TRHDE: variants seen among roughly 807,000 people sequenced by gnomAD.
TRHDE encodes the protein thyrotropin releasing hormone degrading enzyme.
A neutral mutation model predicts 125.7 loss-of-function variants in TRHDE; 72 were observed. The observed-to-expected ratio is 0.57, with a 90% CI of 0.47 to 0.70. The LOEUF (loss-of-function observed/expected upper bound fraction) is 0.70. Among genes scored for constraint, TRHDE ranks in the 30% least tolerant of loss-of-function variants. The pLI is 0.00. For missense variants in TRHDE, 1,110 were observed against 1,327.1 expected (o/e 0.84, Z 2.54); for synonymous variants, 509 against 509.1 (o/e 1.00, Z 0.00).
intron 5 of TRHDE, among the ~76,000 whole-genome samples, chr12:72,497,238 G>A (rs1048971951): frequency 6.6e-6 from 1 of 151,944 alleles, no homozygotes; most frequent in African/African-American, 2.4e-5. Context: ...AGAAGCATGA[G>A]GCAGTAATAT....
chr12:72,315,614 G>T (rs1316926305), intron 2 of TRHDE, among the ~76,000 whole-genome samples: 1 of 152,188 alleles, frequency 6.6e-6, no homozygotes, highest in East Asian at 1.9e-4. Flanking sequence ...GCAAATCAAG[G>T]CCTCTCAGAG....
chr12:72,370,917 A>C (rs1346779850), intron 2 of TRHDE, among the ~76,000 whole-genome samples: 1 of 151,806 alleles, frequency 6.6e-6, no homozygotes, highest in Non-Finnish European at 1.5e-5. Flanking sequence ...TAATTTTTAT[A>C]TTTTTGTTAG....
intron 2 of TRHDE, among the ~76,000 whole-genome samples, chr12:72,338,869 A>T (rs1869952475): frequency 6.6e-6 from 1 of 152,204 alleles, no homozygotes; most frequent in Non-Finnish European, 1.5e-5. Flanking sequence ...TATCGTAATC[A>T]ACATGGTTTG....
intron 10 of TRHDE, among the ~76,000 whole-genome samples, chr12:72,569,111 G>T (rs538820182): frequency 6.6e-6 from 1 of 152,092 alleles, no homozygotes; most frequent in Non-Finnish European, 1.5e-5. Flanking sequence ...GCCAGAAGGT[G>T]GGGGGCTTGG....
intron 15 of TRHDE, among the ~76,000 whole-genome samples, chr12:72,646,862 G>GAAAT (rs1016573417): frequency 6.6e-6 from 1 of 151,716 alleles, no homozygotes; most frequent in African/African-American, 2.4e-5. Flanking sequence ...ACTGAAGGGA[G>GAAAT]AAATAAAAAA....
At chr12:72,242,189 A>G (rs1392410777) in intron 2 of TRHDE, among the ~76,000 whole-genome samples, 1 of 152,236 alleles carries the variant, frequency 6.6e-6, no homozygotes, top group African/African-American at 2.4e-5. Flanking sequence ...ATCAAATCTA[A>G]GACATCTTTG....
At chr12:72,097,870 C>T (rs1361372978) in intron 1 of TRHDE, among the ~76,000 whole-genome samples, 3 of 152,024 alleles carry the variant, frequency 2.0e-5, no homozygotes, top group South Asian at 2.1e-4. Context: ...GGGTTTTAGG[C>T]CTGTTACCAA....
At chr12:72,474,866 A>T (rs1402576332) in intron 5 of TRHDE, among the ~76,000 whole-genome samples, 3 of 152,160 alleles carry the variant, frequency 2.0e-5, no homozygotes, top group Non-Finnish European at 4.4e-5. Flanking sequence ...GCTGAGAAAA[A>T]AAAATGAAAT....
At chr12:72,526,799 T>C (rs1471965522) in intron 6 of TRHDE, among the ~76,000 whole-genome samples, 1 of 152,146 alleles carries the variant, frequency 6.6e-6, no homozygotes, top group African/African-American at 2.4e-5. Flanking sequence ...AAAATGAACT[T>C]TTATGATTCT....
At chr12:72,183,633 T>C (rs866171797) in intron 2 of TRHDE, among the ~76,000 whole-genome samples, 6 of 152,300 alleles carry the variant, frequency 3.9e-5, no homozygotes, top group Middle Eastern at 6.8e-3. Context: ...TTAAGCACCA[T>C]AATAGTGTTA....
intron 2 of TRHDE, among the ~76,000 whole-genome samples, chr12:72,128,643 G>T (rs965561520): frequency 6.6e-6 from 1 of 152,160 alleles, no homozygotes; most frequent in African/African-American, 2.4e-5. Flanking sequence ...TTTAAAAACC[G>T]CTGTATGGGG....
chr12:72,574,737 C>G (rs561173034), intron 10 of TRHDE, among the ~76,000 whole-genome samples: 39 of 152,108 alleles, frequency 2.6e-4, no homozygotes, highest in African/African-American at 9.4e-4. Context: ...ATTTATTTTA[C>G]TAGCATTATT....
chr12:72,369,423 C>T (rs73342670), intron 2 of TRHDE, among the ~76,000 whole-genome samples: 1 of 151,990 alleles, frequency 6.6e-6, no homozygotes, highest in Non-Finnish European at 1.5e-5. Context: ...GGAGAAAGGT[C>T]GCTGAGCAGT....
chr12:72,403,465 C>G (rs1873132076), intron 3 of TRHDE, among the ~76,000 whole-genome samples: 1 of 152,172 alleles, frequency 6.6e-6, no homozygotes, highest in Non-Finnish European at 1.5e-5. Flanking sequence ...TTCATTCTCA[C>G]AGCAACCTGG....
At chr12:72,150,954 G>C (rs1876347702) in intron 2 of TRHDE, among the ~76,000 whole-genome samples, 1 of 152,056 alleles carries the variant, frequency 6.6e-6, no homozygotes, top group African/African-American at 2.4e-5. Flanking sequence ...TCTAGATCTA[G>C]ATCCCTGAGG....
chr12:72,204,775 T>C (rs940165689), intron 2 of TRHDE, among the ~76,000 whole-genome samples: 2 of 152,236 alleles, frequency 1.3e-5, no homozygotes. Context: ...TATCGGAAAC[T>C]ATATAATGAG....
In TRHDE at chr12:72,176,314, C is replaced by T. The variant is rs537600882; in HGVS notation, n.279+70562C>T. On this transcript the variant is annotated intron_variant and non_coding_transcript_variant, in intron 2 of 4. Coordinates refer to the TRHDE transcript ENST00000548156. ...TGAGCCGGGGAGGTGGAGGTTGCAGCGAGCCAAGATCGTGCCACTGCTTAC... is the reference window on the plus strand; with the variant it reads ...TGAGCCGGGGAGGTGGAGGTTGCAGTGAGCCAAGATCGTGCCACTGCTTAC... 7.8e-4 allele frequency among the ~76,000 whole-genome samples: 119 copies of T among 152,140 alleles called. 1 individual carries two copies. Among genetic ancestry groups the T allele is most frequent in the East Asian group, 3.9e-4 (2 of 5,160 alleles).
rs140149969 is a variant in TRHDE, at chr12:72,519,432, G to T, written c.1722+19797G>T. On this transcript the variant is annotated intron_variant, in intron 6 of 18. Transcript: ENST00000261180. ...GCTGAACCCTTTCTTCCAGTTGATC[G>T]CATCGGCTCCTGAGGCTTCTGCATT... 2.9e-3 allele frequency among the ~76,000 whole-genome samples: 440 copies of T among 152,006 alleles called. 2 individuals are homozygous for T. Among genetic ancestry groups the T allele is most frequent in the African/African-American group, 0.01 (427 of 41,448 alleles).
chr12:72,413,736 G>C (rs1012186464), intron 3 of TRHDE, among the ~76,000 whole-genome samples: 2 of 151,958 alleles, frequency 1.3e-5, no homozygotes, highest in Middle Eastern at 3.2e-3. Context: ...TATAAGAAAA[G>C]TTCATGAGCA....
Sources: allele counts gnomAD v4.1 joint callset (sites outside exome capture counted in the v4.1 genomes callset), GRCh38; gene constraint gnomAD v4.1.1; transcripts MANE v1.5; gene names NCBI Gene and HGNC (gene_info 2026-07-23, HGNC 2026-07-21).